The following FRMD8 variants were observed in gnomAD, a reference collection of about 807,000 sequenced individuals.
FRMD8 encodes the protein FERM domain-containing protein 8.
FRMD8 carries 37 observed loss-of-function variants against 54.2 expected under a neutral mutation model. The observed-to-expected ratio is 0.68, with a 90% CI of 0.53 to 0.90. The LOEUF (loss-of-function observed/expected upper bound fraction) is 0.90, where lower values mean the gene tolerates loss of function less well. Ranked by LOEUF, FRMD8 falls within the 40% of genes least tolerant of loss-of-function variation. The pLI, the probability that FRMD8 is intolerant of heterozygous loss-of-function variation, is 0.00. For missense variants in FRMD8, 585 were observed against 653.7 expected, an observed-to-expected ratio of 0.89 and a Z score of 1.15; for synonymous variants, 246 against 286.9, an observed-to-expected ratio of 0.86 and a Z score of 1.44.
chr11:65,375,408 A>C, the FRMD8 span: 1 of 152,094 alleles, frequency 6.6e-6, no homozygotes, highest in Non-Finnish European at 1.5e-5. Flanking sequence ...TCAGGTGGGG[A>C]GGTAAGTCAA....
intron 2 of FRMD8, among the ~76,000 whole-genome samples, chr11:65,387,852 T>C (rs1256134345): frequency 6.6e-6 from 1 of 151,890 alleles, no homozygotes; most frequent in Non-Finnish European, 1.5e-5. Flanking sequence ...CCTTTCTTTC[T>C]CCCAAACAGC....
At chr11:65,402,268 C>T (rs1856099711) in intron 9 of FRMD8, among the ~76,000 whole-genome samples, 1 of 151,810 alleles carries the variant, frequency 6.6e-6, no homozygotes, top group African/African-American at 2.4e-5. Context: ...GCACGAGAAT[C>T]ACTTGAACTG....
chr11:65,379,596 C>T, the FRMD8 span: 12 of 1,570,542 alleles, frequency 7.6e-6, no homozygotes, highest in Non-Finnish European at 1.0e-5. Flanking sequence ...GAGTAGGCAC[C>T]GTGGGGCCTC....
intron 10 of FRMD8, among the ~76,000 whole-genome samples, chr11:65,409,884 G>T (rs1856290822): frequency 6.6e-6 from 1 of 152,018 alleles, no homozygotes; most frequent in Non-Finnish European, 1.5e-5. Context: ...TTCGAGATCA[G>T]CCTGGGCAAT....
chr11:65,396,749 G>T, intron 6 of FRMD8, 50 bp from the exon 7 acceptor site: 2 of 1,282,216 alleles, frequency 1.6e-6, no homozygotes, highest in Non-Finnish European at 2.1e-6. Flanking sequence ...TCCCCCGTGA[G>T]CCTGGCACCT....
chr11:65,400,039 A>G lies in FRMD8; in HGVS notation c.927+180A>G. 1 of 692,878 alleles carries G rather than the reference A, an allele frequency of 1.4e-6. No individual in the cohort carries two copies. The highest frequency in any genetic ancestry group is 2.1e-5 in the South Asian group (1 of 47,828). The allele number at this position is 692,878 out of a possible 1,614,324, so 42.9% of individuals were successfully genotyped here. On this transcript the variant is annotated intron_variant, in intron 8 of 10. Coordinates refer to ENST00000317568, the MANE Select transcript of FRMD8 (RefSeq NM_031904.5). This position sits in a 1 kb window ranked among gnomAD's most constrained non-coding sequence, Gnocchi z 4.3. ...GGGTGATCCTGGGTCCTCTTGCCCA[A>G]CATGCTAGGCTGTGGGGTGGCCGGG...
chr11:65,404,512 C>T lies in FRMD8; in HGVS notation c.1072-352C>T, dbSNP rs887287185. Among the ~76,000 whole-genome samples the T allele has an allele frequency of 6.6e-6, 1 of 151,428 alleles. No homozygotes were observed. Among genetic ancestry groups the T allele is most frequent in the African/African-American group, 2.4e-5 (1 of 41,192 alleles). On this transcript the variant is annotated intron_variant, in intron 9 of 10. Transcript: ENST00000317568. This position sits in a 1 kb window ranked among gnomAD's most constrained non-coding sequence, Gnocchi z 4.7. ...TCCTCCCAGCCAGCACCACCCGCCT[C>T]CCCGCCCCGCTTCCCCACTCTTCGT...
At chr11:65,379,358 C>T in the FRMD8 span, 2 of 1,605,042 alleles carry the variant, frequency 1.2e-6, no homozygotes, top group South Asian at 1.1e-5. Flanking sequence ...TGTGTGTGCC[C>T]ACTCACTGCC....
chr11:65,379,327 G>A, the FRMD8 span: 1 of 1,592,972 alleles, frequency 6.3e-7, no homozygotes, highest in African/African-American at 1.3e-5. Flanking sequence ...GACAGATCGA[G>A]ATGACCATCC....
chr11:65,405,496 G>A (rs1054778324), intron 10 of FRMD8, among the ~76,000 whole-genome samples: 1 of 152,120 alleles, frequency 6.6e-6, no homozygotes, highest in Non-Finnish European at 1.5e-5. Flanking sequence ...TATGGCAGGC[G>A]CCTGTAATCC....
chr11:65,386,390 G>A (rs1006899198), upstream of FRMD8, among the ~76,000 whole-genome samples: 2 of 152,216 alleles, frequency 1.3e-5, no homozygotes, highest in South Asian at 2.1e-4. Context: ...CCTGATTCTC[G>A]AATCTTCGCC....
chr11:65,371,216 C>T, the FRMD8 span, among the ~76,000 whole-genome samples: 2 of 152,220 alleles, frequency 1.3e-5, no homozygotes, highest in Middle Eastern at 3.4e-3. Context: ...AGAGTCATCT[C>T]GTGGTTGTGT....
Position 65,394,022 on chromosome 11 carries a change from A to G in FRMD8, c.356-19A>G. 2 of 1,613,542 alleles carry G rather than the reference A, an allele frequency of 1.2e-6. No individual in the cohort carries two copies. Among genetic ancestry groups the G allele is most frequent in the Non-Finnish European group, 1.7e-6 (2 of 1,179,700 alleles). ...AGCAGAGTGGGGATGCCCGGCAGTG[A>G]CCCAGCCTCTCTCCCCAGATGAGCC... is the stretch of plus-strand genomic sequence containing the variant. On this transcript the variant is annotated intron_variant, in intron 4 of 10. Coordinates refer to ENST00000317568, the MANE Select transcript of FRMD8 (RefSeq NM_031904.5).
upstream of FRMD8, chr11:65,382,052 T>A: frequency 9.5e-7 from 1 of 1,048,186 alleles, no homozygotes; most frequent in Non-Finnish European, 1.5e-6. The surrounding 1 kb of genome is among the most constrained non-coding windows in gnomAD (Gnocchi z 4.4). Context: ...CACTAATGTT[T>A]AACCCTGGCG....
chr11:65,379,765 C>A, the FRMD8 span: 1 of 1,487,514 alleles, frequency 6.7e-7, no homozygotes, highest in Non-Finnish European at 9.3e-7. Flanking sequence ...ACTTGGTCTT[C>A]TCTCCTCCAG....
the FRMD8 span, among the ~76,000 whole-genome samples, chr11:65,368,402 G>A: frequency 6.6e-6 from 1 of 151,716 alleles, no homozygotes; most frequent in African/African-American, 2.4e-5. Flanking sequence ...CAGAGACGGG[G>A]GTCTCGCTAT....
chr11:65,376,949 CG>C, the FRMD8 span: 5 of 1,612,826 alleles, frequency 3.1e-6, no homozygotes, highest in South Asian at 3.3e-5. Flanking sequence ...CCCCTCCTCC[CG>C]GAAGATGGAG....
chr11:65,380,717 C>T, the FRMD8 span: 1 of 724,778 alleles, frequency 1.4e-6, no homozygotes, highest in Non-Finnish European at 2.0e-6. Context: ...CCCTCCACAG[C>T]AGAGGCTGGT....
In FRMD8 at chr11:65,394,017, C is replaced by G. The variant is rs1855894500; in HGVS notation, c.356-24C>G. On this transcript the variant is annotated intron_variant, in intron 4 of 10. Coordinates refer to ENST00000317568, the MANE Select transcript of FRMD8 (RefSeq NM_031904.5). ...GGCTAAGCAGAGTGGGGATGCCCGG[C>G]AGTGACCCAGCCTCTCTCCCCAGAT... The G allele has an allele frequency of 2.5e-6, 4 of 1,613,244 alleles. No homozygotes were observed. The South Asian group carries it at 3.3e-5, about 13-fold the overall frequency.
Sources: gnomAD v4.1 joint callset for allele counts (sites outside exome capture counted in the v4.1 genomes callset) on GRCh38, gnomAD v4.1.1 for gene constraint, Gnocchi (gnomAD v3.1) non-coding constraint, MANE v1.5 for transcripts, NCBI Gene and HGNC (gene_info 2026-07-23, HGNC 2026-07-21) for gene names.